RERE: variants seen among roughly 807,000 people sequenced by gnomAD.
RERE encodes arginine-glutamic acid dipeptide repeats.
Under a neutral mutation model 146.1 loss-of-function variants are expected in RERE, and 40 were observed. That is an observed-to-expected ratio of 0.27 (90% confidence interval 0.21 to 0.36). RERE has a LOEUF of 0.36. RERE is among the 10% of genes least tolerant of loss of function. The pLI, the probability that RERE is intolerant of heterozygous loss-of-function variation, is 1.00. For synonymous variants in RERE, 1,003 were observed against 866.0 expected, an observed-to-expected ratio of 1.16 and a Z score of -2.78; for missense variants, 1,933 against 2,138.7, an observed-to-expected ratio of 0.90 and a Z score of 1.90.
intron 12 of RERE, among the ~76,000 whole-genome samples, chr1:8,390,677 T>G (rs925247433): frequency 1.3e-5 from 2 of 152,214 alleles, no homozygotes; most frequent in Non-Finnish European, 2.9e-5. Flanking sequence ...AAATCATATT[T>G]ATCCAGTTAA....
At chr1:8,394,974 T>G (rs1643005532) in intron 12 of RERE, among the ~76,000 whole-genome samples, 1 of 146,060 alleles carries the variant, frequency 6.8e-6, no homozygotes, top group South Asian at 2.1e-4. Flanking sequence ...GTTGAGTGGT[T>G]GAGTGAGTAA....
intron 1 of RERE, among the ~76,000 whole-genome samples, chr1:8,805,386 C>T (rs1327264631): frequency 1.3e-5 from 2 of 151,974 alleles, no homozygotes; most frequent in South Asian, 2.1e-4. Context: ...CAGTGGCTCT[C>T]GCCTATAATC....
At chr1:8,771,453 G>A (rs1353929076) in intron 1 of RERE, among the ~76,000 whole-genome samples, 1 of 151,316 alleles carries the variant, frequency 6.6e-6, no homozygotes, top group African/African-American at 2.4e-5. Context: ...GAACCCAGGA[G>A]GCAGAGGTTG....
At chr1:8,569,209 C>T (rs1646188147) in intron 4 of RERE, among the ~76,000 whole-genome samples, 1 of 150,228 alleles carries the variant, frequency 6.7e-6, no homozygotes, top group South Asian at 2.1e-4. Context: ...CAAATTCCCC[C>T]TTAATCCCTA....
chr1:8,758,156 G>A (rs183144962), intron 1 of RERE, among the ~76,000 whole-genome samples: 3 of 151,514 alleles, frequency 2.0e-5, no homozygotes, highest in East Asian at 3.9e-4. Context: ...CATGATCCCA[G>A]CTCACTGCAA....
rs188681719 is a variant in RERE at position 8,442,502 on chromosome 1, A to T, written c.1204-19695T>A. On this transcript the variant is annotated intron_variant, in intron 11 of 22. Transcript: ENST00000400908. ...TTCTACCATAAGTAAAAGCTCCCTG[A>T]GGCCTCCCCAGAAGCCACACAGACG... 5.1e-4 allele frequency among the ~76,000 whole-genome samples: 77 copies of T among 152,160 alleles called. 1 individual carries two copies. Among genetic ancestry groups the T allele is most frequent in the Middle Eastern group, 3.4e-3 (1 of 294 alleles).
chr1:8,374,120 C>T (rs537444221), intron 12 of RERE, among the ~76,000 whole-genome samples: 14 of 152,226 alleles, frequency 9.2e-5, no homozygotes, highest in Middle Eastern at 3.4e-3. Flanking sequence ...TTCAAGAGGC[C>T]GAAGGGCTCT....
chr1:8,583,705 TA>T (rs1646394863), intron 4 of RERE, among the ~76,000 whole-genome samples: 1 of 151,722 alleles, frequency 6.6e-6, no homozygotes, highest in Admixed American at 6.6e-5. Context: ...TTAAATAATT[TA>T]AATAAATTAA....
intron 1 of RERE, among the ~76,000 whole-genome samples, chr1:8,658,422 A>G (rs190013867): frequency 6.6e-6 from 1 of 152,336 alleles, no homozygotes; most frequent in East Asian, 1.9e-4. Flanking sequence ...GACAACCACA[A>G]ACAAATCAGT....
intron 3 of RERE, among the ~76,000 whole-genome samples, chr1:8,617,343 C>CAAAAAAAGAAAAAAAA (rs1646865590): frequency 1.2e-5 from 1 of 80,428 alleles, no homozygotes; most frequent in African/African-American, 5.2e-5. Context: ...AACTCTGTCT[C>CAAAAAAAGAAAAAAAA]AAAAAAAAAA....
Position 8,356,081 on chromosome 1 carries a change from C to G in RERE, c.4486+19G>C, listed in dbSNP as rs763205203. ...ACCCTCACACGGCCTCCCCGCCCCT[C>G]CTGGAGGGGAAGTCTTACCGAAAAC... On this transcript the variant is annotated intron_variant, in intron 21 of 22. Coordinates refer to ENST00000400908, the MANE Select transcript of RERE (RefSeq NM_001042681.2). This position sits in a 1 kb window ranked among gnomAD's most constrained non-coding sequence, Gnocchi z 5.2. The G allele has an allele frequency of 2.7e-6, 4 of 1,480,268 alleles. No individual in the cohort carries two copies. In the African/African-American group the frequency reaches 5.9e-5, roughly 22 times the overall value. The allele number at this position is 1,480,268 out of a possible 1,614,324, so 91.7% of individuals were successfully genotyped here.
Position 8,556,458 on chromosome 1 carries a change from A to C in RERE, c.725+17T>G. ...TGACTCCTCCTTCACATGGAAGAGC[A>C]CGTCTCCAGTACTTACCTAAGGGCA... On this transcript the variant is annotated intron_variant, in intron 6 of 22. Transcript: ENST00000400908. 7.0e-7 allele frequency: 1 copy of C among 1,426,482 alleles called. No homozygotes were observed. Among genetic ancestry groups the C allele is most frequent in the Non-Finnish European group, 9.9e-7 (1 of 1,009,106 alleles). 88.4% of individuals were successfully genotyped at this position (1,426,482 alleles called of 1,614,324 possible).
chr1:8,753,711 C>T (rs577489288), intron 1 of RERE: 1 of 152,244 alleles, frequency 6.6e-6, no homozygotes, highest in South Asian at 2.1e-4. Flanking sequence ...ACACATACTG[C>T]TACAATTATA....
chr1:8,481,769 T>G (rs1485019781), intron 10 of RERE, among the ~76,000 whole-genome samples: 2 of 152,202 alleles, frequency 1.3e-5, no homozygotes. Flanking sequence ...AAGAAATGGC[T>G]TATCAAAAGC....
chr1:8,452,765 T>C (rs1644403704), intron 11 of RERE, among the ~76,000 whole-genome samples: 1 of 152,176 alleles, frequency 6.6e-6, no homozygotes, highest in Non-Finnish European at 1.5e-5. Context: ...GACCTTCCTT[T>C]TTCCATGTAT....
chr1:8,638,601 C>T (rs1475772642), intron 2 of RERE, among the ~76,000 whole-genome samples: 1 of 152,042 alleles, frequency 6.6e-6, no homozygotes, highest in Non-Finnish European at 1.5e-5. Flanking sequence ...CACAAAACTG[C>T]GAATAGCTTA....
At chr1:8,420,050 A>T (rs1643883036) in intron 12 of RERE, among the ~76,000 whole-genome samples, 1 of 152,256 alleles carries the variant, frequency 6.6e-6, no homozygotes, top group African/African-American at 2.4e-5. Flanking sequence ...AGAATAGAAC[A>T]CAGGTCTGCT....
intron 1 of RERE, among the ~76,000 whole-genome samples, chr1:8,756,355 T>C (rs1054869790): frequency 7.9e-5 from 12 of 152,214 alleles, no homozygotes; most frequent in African/African-American, 2.9e-4. Context: ...TTTTATTACA[T>C]TGCTTTGAAG....
intron 4 of RERE, among the ~76,000 whole-genome samples, chr1:8,605,843 A>G (rs1392151775): frequency 2.3e-4 from 6 of 25,710 alleles, no homozygotes; most frequent in Admixed American, 5.2e-4. Flanking sequence ...TTAAATACCA[A>G]ACTTTTTTTT....
Sources: gnomAD v4.1 joint callset for allele counts (sites outside exome capture counted in the v4.1 genomes callset) on GRCh38, gnomAD v4.1.1 for gene constraint, Gnocchi (gnomAD v3.1) non-coding constraint, MANE v1.5 for transcripts, NCBI Gene and HGNC (gene_info 2026-07-23, HGNC 2026-07-21) for gene names.